MYOM1: variants seen among roughly 807,000 people sequenced by gnomAD.
The protein encoded by MYOM1 is myomesin 1.
A neutral mutation model predicts 205.3 loss-of-function variants in MYOM1; 164 were observed. The ratio of observed to expected loss-of-function variants is 0.80; its 90% CI spans 0.70 to 0.91. The LOEUF (loss-of-function observed/expected upper bound fraction) is 0.91, where lower values mean the gene tolerates loss of function less well. Among genes scored for constraint, MYOM1 ranks in the 40% least tolerant of loss-of-function variants. The pLI is 0.00. For synonymous variants in MYOM1, 772 were observed against 789.4 expected (o/e 0.98, Z 0.37); for missense variants, 2,011 against 2,127.3 (o/e 0.95, Z 1.08).
chr18:3,094,858 CT>C (rs1310467049), intron 25 of MYOM1, among the ~76,000 whole-genome samples: 1 of 151,862 alleles, frequency 6.6e-6, no homozygotes, highest in Non-Finnish European at 1.5e-5. Context: ...TAGAAAGAGA[CT>C]CACTATGTTG....
At chr18:3,126,653 T>C (rs769815533) in intron 19 of MYOM1, 48 bp downstream of exon 19, 1 of 1,538,688 alleles carries the variant, frequency 6.5e-7, no homozygotes, top group Admixed American at 1.8e-5. Flanking sequence ...CGTGCAAGCA[T>C]AGCGTCATAC....
At chr18:3,190,779 A>T (rs1425158160) in intron 3 of MYOM1, among the ~76,000 whole-genome samples, 1 of 152,188 alleles carries the variant, frequency 6.6e-6, no homozygotes, top group Admixed American at 6.5e-5. Context: ...GGGAGATGTG[A>T]AATGAGCTTT....
At chr18:3,173,055 A>G in intron 8 of MYOM1, among the ~76,000 whole-genome samples, 1 of 152,214 alleles carries the variant, frequency 6.6e-6, no homozygotes, top group East Asian at 1.9e-4. Flanking sequence ...TAATTTTTTA[A>G]TGTTTGAAAA....
At chr18:3,145,780 G>A (rs1266316246) in intron 13 of MYOM1, among the ~76,000 whole-genome samples, 1 of 151,686 alleles carries the variant, frequency 6.6e-6, no homozygotes, top group African/African-American at 2.4e-5. Flanking sequence ...ATAAAGATAA[G>A]AACAGAAATA....
At chr18:3,136,955 C>CTT (rs1218905520) in intron 14 of MYOM1, among the ~76,000 whole-genome samples, 5 of 143,574 alleles carry the variant, frequency 3.5e-5, no homozygotes, top group African/African-American at 1.0e-4. Context: ...TTTCTTTTTT[C>CTT]TTTTTTTTTT....
intron 20 of MYOM1, among the ~76,000 whole-genome samples, chr18:3,118,254 T>A (rs2079633867): frequency 1.3e-5 from 2 of 152,222 alleles, no homozygotes; most frequent in Admixed American, 1.3e-4. Context: ...AGGATGGGAC[T>A]GAGAAGCCAG....
In MYOM1 at chr18:3,100,423, C is replaced by T. The variant is rs575759850; in HGVS notation, c.3579G>A (p.Thr1193=). The change falls in exon 24 of 38, where the codon ACG becomes ACA. Residue 1193 remains threonine, a synonymous_variant. Transcript: ENST00000356443. Reference sequence around the variant, plus strand: ...TCCCAAGGTCTTTGAAGGTCATTTTCGTCCTTCGGAACAAAATATTTTTCT... The same window carrying T: ...TCCCAAGGTCTTTGAAGGTCATTTTTGTCCTTCGGAACAAAATATTTTTCT... ...RLEVESKGNK[T]KMTFKDLGMD... The T allele has an allele frequency of 8.8e-5, 142 of 1,612,222 alleles. No homozygotes were observed. Among genetic ancestry groups the T allele is most frequent in the Admixed American group, 1.3e-4 (8 of 59,918 alleles).
chr18:3,069,691 C>G (rs910463994), intron 37 of MYOM1, among the ~76,000 whole-genome samples: 3 of 151,244 alleles, frequency 2.0e-5, no homozygotes, highest in Admixed American at 6.6e-5. Flanking sequence ...CCAAACACCC[C>G]CTGACAGTCT....
intron 2 of MYOM1, among the ~76,000 whole-genome samples, chr18:3,205,952 C>T (rs2016606358): frequency 6.6e-6 from 1 of 152,140 alleles, no homozygotes; most frequent in Non-Finnish European, 1.5e-5. Flanking sequence ...AAACCCTTGT[C>T]TTCTGAGAGC....
At chr18:3,100,532 A>C in intron 23 of MYOM1, 106 bp from the exon 24 acceptor site, 1 of 743,318 alleles carries the variant, frequency 1.3e-6, no homozygotes, top group Non-Finnish European at 2.3e-6. Context: ...TCATCTGGAC[A>C]CCTCCTCTCA....
intron 5 of MYOM1, among the ~76,000 whole-genome samples, chr18:3,186,505 A>C (rs1427234894): frequency 6.6e-6 from 1 of 152,220 alleles, no homozygotes; most frequent in Non-Finnish European, 1.5e-5. Flanking sequence ...GATATTTGTG[A>C]CATGTGACAG....
chr18:3,226,312 T>C, the MYOM1 span, among the ~76,000 whole-genome samples: 27 of 152,266 alleles, frequency 1.8e-4, no homozygotes, highest in African/African-American at 6.3e-4. The surrounding 1 kb of genome is among the most constrained non-coding windows in gnomAD (Gnocchi z 4.6). Flanking sequence ...GAGCTCACTA[T>C]GTCCTCTTCT....
At position 3,189,340 on chromosome 18, in the gene MYOM1, T is replaced by A. The variant is rs11664113; in HGVS notation, c.432-253A>T. 0.091 allele frequency among the ~76,000 whole-genome samples: 13,768 copies of A among 151,410 alleles called. 897 individuals carry two copies. Among genetic ancestry groups the A allele is most frequent in the African/African-American group, 0.19 (7,717 of 41,384 alleles). On this transcript the variant is annotated intron_variant, in intron 3 of 37. Transcript: ENST00000356443. The surrounding 1 kb of genome is among the most constrained non-coding windows in gnomAD (Gnocchi z 4.8). The stretch of plus-strand genomic sequence containing the variant: ...ACATACACTATCTTGTTTCATCCCC[T>A]TACAAACCCTATGAGATAAACTTTT...
At position 3,151,763 on chromosome 18, in the gene MYOM1, TTCC is replaced by T. The variant is rs2080225493; in HGVS notation, c.1771_1773del (p.Gly591del). 6.2e-7 allele frequency: 1 copy of T among 1,613,846 alleles called. No homozygotes were observed. Among genetic ancestry groups the T allele is most frequent in the Non-Finnish European group, 8.5e-7 (1 of 1,179,814 alleles). ...TCGGAAACTCGAGATGGGAAACCTATTCCCATTTTATTCACAGCTCGAACTCGG... is the reference window on the plus strand; with the variant it reads ...TCGGAAACTCGAGATGGGAAACCTATCATTTTATTCACAGCTCGAACTCGG... On this transcript the variant is annotated inframe_deletion, in exon 12 of 38. Transcript: ENST00000356443.
intron 30 of MYOM1, 47 bp from the exon 31 acceptor site, chr18:3,085,179 G>C (rs373854595): frequency 1.1e-5 from 14 of 1,223,588 alleles, no homozygotes; most frequent in Non-Finnish European, 1.6e-5. Flanking sequence ...TAGCCCCAGG[G>C]CACGGTATCT....
chr18:3,113,807 G>T (rs2079564396), intron 21 of MYOM1, among the ~76,000 whole-genome samples: 1 of 152,124 alleles, frequency 6.6e-6, no homozygotes. Context: ...ATGTGATAGA[G>T]ACCAATATCC....
chr18:3,089,345 T>C, intron 28 of MYOM1, 104 bp from the exon 29 acceptor site: 5 of 968,984 alleles, frequency 5.2e-6, no homozygotes. Flanking sequence ...GTCAGATTTT[T>C]AAAATTCTAG....
At chr18:3,161,165 C>G (rs983370677) in intron 10 of MYOM1, among the ~76,000 whole-genome samples, 3 of 152,314 alleles carry the variant, frequency 2.0e-5, no homozygotes, top group African/African-American at 7.2e-5. Flanking sequence ...CCCAGAAGGC[C>G]AGCTCCTGTC....
At chr18:3,174,378 G>GAT (rs1211681418) in intron 6 of MYOM1, among the ~76,000 whole-genome samples, 170 bp from the exon 7 acceptor site, 1 of 152,108 alleles carries the variant, frequency 6.6e-6, no homozygotes, top group Non-Finnish European at 1.5e-5. Context: ...CTACCTGTGG[G>GAT]ATATTACCTA....
Sources: gnomAD v4.1 joint callset for allele counts (sites outside exome capture counted in the v4.1 genomes callset) on GRCh38, gnomAD v4.1.1 for gene constraint, Gnocchi (gnomAD v3.1) non-coding constraint, MANE v1.5 for transcripts, NCBI Gene and HGNC (gene_info 2026-07-23, HGNC 2026-07-21) for gene names.